Variants in RNF17 observed in about 807,000 individuals in gnomAD.
The protein encoded by RNF17 is spermatogenesis associated 23.
RNF17 carries 31 observed loss-of-function variants against 200.5 expected under a neutral mutation model. The observed-to-expected ratio is 0.15, with a 90% CI of 0.12 to 0.21. RNF17 has a LOEUF of 0.21. Ranked by LOEUF, RNF17 falls within the 10% of genes least tolerant of loss-of-function variation. The pLI, the probability that RNF17 is intolerant of heterozygous loss-of-function variation, is 1.00. For synonymous variants in RNF17, 606 were observed against 637.8 expected (o/e 0.95, Z 0.75); for missense variants, 1,628 against 1,905.1 (o/e 0.85, Z 2.71).
At chr13:24,836,965 C>T (rs1226977469) in intron 18 of RNF17, among the ~76,000 whole-genome samples, 2 of 152,124 alleles carry the variant, frequency 1.3e-5, no homozygotes, top group South Asian at 2.1e-4. Flanking sequence ...CCAACCATCT[C>T]CTGCCTTCAG....
At chr13:24,826,754 CAG>C (rs1408707980) in intron 16 of RNF17, among the ~76,000 whole-genome samples, 10 of 150,448 alleles carry the variant, frequency 6.6e-5, no homozygotes, top group Non-Finnish European at 5.9e-5. Flanking sequence ...GCCTGGGCGA[CAG>C]AGCAAGACTG....
chr13:24,754,593 A>T, the RNF17 span, among the ~76,000 whole-genome samples: 1 of 152,192 alleles, frequency 6.6e-6, no homozygotes, highest in East Asian at 1.9e-4. Flanking sequence ...CGAATGTATT[A>T]TTCAATAAAG....
At chr13:24,871,633 C>CTTTTTTTT (rs143831233) in intron 32 of RNF17, among the ~76,000 whole-genome samples, 2 of 128,524 alleles carry the variant, frequency 1.6e-5, no homozygotes, top group South Asian at 2.4e-4. Context: ...CTTGCCCAGC[C>CTTTTTTTT]TTTTTTTTTT....
intron 18 of RNF17, among the ~76,000 whole-genome samples, chr13:24,838,722 TG>T (rs1438366167): frequency 6.6e-6 from 1 of 152,148 alleles, no homozygotes; most frequent in African/African-American, 2.4e-5. Flanking sequence ...TAATTCTGAA[TG>T]GGGAAAAGTT....
chr13:24,789,806 G>C, intron 9 of RNF17, 34 bp downstream of exon 9: 1 of 1,119,830 alleles, frequency 8.9e-7, no homozygotes, highest in East Asian at 2.3e-5. Context: ...CATGCCATTA[G>C]TGTCTGACAG....
At chr13:24,808,068 G>T (rs1329120136) in intron 15 of RNF17, among the ~76,000 whole-genome samples, 2 of 151,284 alleles carry the variant, frequency 1.3e-5, no homozygotes, top group Non-Finnish European at 3.0e-5. Flanking sequence ...ATAGTTTGAA[G>T]TCAGGTAGTG....
chr13:24,862,720 A>G lies in RNF17; in HGVS notation c.3902A>G (p.Asn1301Ser). Residue 1301 changes from asparagine to serine, a missense_variant, in exon 28 of 36, where the codon AAT becomes AGT. By Grantham distance (46) the Asn-to-Ser change is conservative (BLOSUM62 1). Transcript: ENST00000255324. ...TTTATTAATCTCAAATAGGTTGGGA[A>G]TGTCTGGCAACCAGATGCAATAGAA... ...CQLHNTTPVG[N>S]VWQPDAIEVL... 1 of 1,602,708 alleles carries G rather than the reference A, an allele frequency of 6.2e-7. No individual in the cohort carries two copies. Among genetic ancestry groups the G allele is most frequent in the South Asian group, 1.1e-5 (1 of 90,738 alleles).
intron 4 of RNF17, among the ~76,000 whole-genome samples, chr13:24,779,017 C>A (rs1881984137): frequency 6.6e-6 from 1 of 152,096 alleles, no homozygotes; most frequent in Non-Finnish European, 1.5e-5. Context: ...GGCGAAACCC[C>A]ATCTCTACTA....
At chr13:24,767,163 A>C in intron 1 of RNF17, 109 bp from the exon 2 acceptor site, 1 of 690,496 alleles carries the variant, frequency 1.4e-6, no homozygotes, top group South Asian at 1.8e-5. Context: ...CAAGAGGTGG[A>C]GGCTGCAGTG....
intron 9 of RNF17, among the ~76,000 whole-genome samples, chr13:24,792,701 G>A (rs141407874): frequency 8.5e-5 from 13 of 152,284 alleles, no homozygotes; most frequent in Middle Eastern, 3.4e-3. Context: ...AGTTGGCTTT[G>A]TTGATCGTTA....
chr13:24,757,935 G>A, the RNF17 span, among the ~76,000 whole-genome samples: 3 of 152,014 alleles, frequency 2.0e-5, no homozygotes, highest in African/African-American at 4.8e-5. Flanking sequence ...GGATCATGGG[G>A]GTGGATCCTT....
At chr13:24,849,173 C>A (rs1376350465) in intron 22 of RNF17, among the ~76,000 whole-genome samples, 1 of 152,140 alleles carries the variant, frequency 6.6e-6, no homozygotes, top group Non-Finnish European at 1.5e-5. Flanking sequence ...AAAAATTGAC[C>A]AGAATTAATT....
intron 2 of RNF17, among the ~76,000 whole-genome samples, chr13:24,770,870 A>C (rs9511443): frequency 0.012 from 1,764 of 152,258 alleles, 17 homozygotes; most frequent in Non-Finnish European, 0.019. Context: ...AATTGTGTAC[A>C]ATTCCTCAAC....
At chr13:24,798,291 C>G (rs1277301192) in intron 11 of RNF17, among the ~76,000 whole-genome samples, 3 of 152,228 alleles carry the variant, frequency 2.0e-5, no homozygotes, top group African/African-American at 7.2e-5. Context: ...TGCTTAAAGT[C>G]ACAGTTTCTA....
At chr13:24,858,676 TA>T (rs1394254855) in intron 25 of RNF17, among the ~76,000 whole-genome samples, 2 of 151,824 alleles carry the variant, frequency 1.3e-5, no homozygotes, top group Non-Finnish European at 2.9e-5. Flanking sequence ...ATACTGTATC[TA>T]AGCAACAAGT....
chr13:24,865,969 T>A (rs1401265590), intron 29 of RNF17, among the ~76,000 whole-genome samples, 175 bp from the exon 30 acceptor site: 1 of 152,228 alleles, frequency 6.6e-6, no homozygotes, highest in Non-Finnish European at 1.5e-5. Context: ...GGTTTCTTAT[T>A]GTTGAAAACT....
downstream of RNF17, chr13:24,883,972 C>G (rs1373825378): frequency 1.2e-6 from 2 of 1,614,138 alleles, no homozygotes; most frequent in East Asian, 4.5e-5. Flanking sequence ...CCGTTGTACT[C>G]TGACAATTGT....
At chr13:24,796,932 G>C (rs1202297433) in intron 11 of RNF17, among the ~76,000 whole-genome samples, 1 of 152,122 alleles carries the variant, frequency 6.6e-6, no homozygotes, top group Non-Finnish European at 1.5e-5. Context: ...AACTAATACA[G>C]AAAGTGTTTA....
Position 24,854,067 on chromosome 13 carries a change from C to T in RNF17, c.3533C>T (p.Pro1178Leu), listed in dbSNP as rs1892219701. 1.2e-6 allele frequency: 2 copies of T among 1,613,916 alleles called. No homozygotes were observed. Among genetic ancestry groups the T allele is most frequent in the Non-Finnish European group, 1.7e-6 (2 of 1,179,864 alleles). ...AGAGGGTATAAGCCACCAGCTATTC[C>T]TAACATGAACGTATTTGAGGCAACA... ...TTRGYKPPAI[P>L]NMNVFEATVS... Residue 1178 changes from proline to leucine, a missense_variant, in exon 25 of 36, where the codon CCT becomes CTT. By Grantham distance (98) the Pro-to-Leu change is moderately conservative (BLOSUM62 -3). Coordinates refer to ENST00000255324, the MANE Select transcript of RNF17 (RefSeq NM_031277.3).
Sources: allele counts gnomAD v4.1 joint callset (sites outside exome capture counted in the v4.1 genomes callset), GRCh38; gene constraint gnomAD v4.1.1; transcripts MANE v1.5; gene names NCBI Gene and HGNC (gene_info 2026-07-23, HGNC 2026-07-21).